Variants in FAM177A1 observed in about 807,000 individuals in gnomAD.
FAM177A1 encodes protein FAM177A1.
In FAM177A1, 22 loss-of-function variants were observed where a neutral mutation model predicts 26.1. The observed-to-expected ratio is 0.84, with a 90% CI of 0.60 to 1.20. FAM177A1 has a LOEUF of 1.20. FAM177A1 is among the 50% of genes most tolerant of loss of function. The probability of loss-of-function intolerance (pLI) is 0.00; values close to 1 mark genes in which losing one functional copy is unlikely to be tolerated. For missense variants in FAM177A1, 296 were observed against 291.1 expected (o/e 1.02, Z -0.12); for synonymous variants, 95 against 99.3 (o/e 0.96, Z 0.26).
rs1469444223 is a variant in FAM177A1 at position 35,081,117 on chromosome 14, T to A, written c.600T>A (p.Asp200Glu). The A allele has an allele frequency of 6.2e-7, 1 of 1,613,734 alleles. No homozygotes were observed. The highest frequency in any genetic ancestry group is 8.5e-7 in the Non-Finnish European group (1 of 1,179,872). The change falls in exon 5 of 5, where the codon GAT becomes GAA. Residue 200 changes from aspartate to glutamate, a missense_variant. Asp to Glu is a conservative substitution (Grantham distance 45). Coordinates refer to ENST00000280987, the MANE Select transcript of FAM177A1 (RefSeq NM_173607.5). The stretch of plus-strand genomic sequence containing the variant: ...AGACTGATTCCATTGTTCAGACAGA[T>A]CAACCAGAGACAGTGATATCCAGCT... Reference protein sequence around the residue: ...KLQTDSIVQTDQPETVISSSF... With the variant: ...KLQTDSIVQTEQPETVISSSF...
intron 3 of FAM177A1, 54 bp downstream of exon 3, chr14:35,077,270 AG>A (rs1459687639): frequency 6.7e-7 from 1 of 1,501,630 alleles, no homozygotes. Flanking sequence ...CTTCAGCAAC[AG>A]GAACTTTGCT....
rs2045409659 is a variant in FAM177A1 at position 35,077,217 on chromosome 14, G to A, written c.406+1G>A. On this transcript the variant is annotated splice_donor_variant, in intron 3 of 4. Coordinates refer to ENST00000280987, the MANE Select transcript of FAM177A1 (RefSeq NM_173607.5). LOFTEE classifies it high-confidence loss of function. ...CGGGCTGCTACATCAACTCTCTCAG[G>A]TATTGCTTTTCTGCTTGAATATTGT... 2.5e-6 allele frequency: 4 copies of A among 1,613,122 alleles called. No homozygotes were observed. Among genetic ancestry groups the A allele is most frequent in the Non-Finnish European group, 3.4e-6 (4 of 1,179,514 alleles).
chr14:35,059,887 A>G (rs2045123527), intron 2 of FAM177A1, among the ~76,000 whole-genome samples: 1 of 150,208 alleles, frequency 6.7e-6, no homozygotes, highest in Non-Finnish European at 1.5e-5. Context: ...CTGGTCTTGA[A>G]CTCCTAACCT....
In FAM177A1 at chr14:35,046,594, C is replaced by G; in HGVS notation, c.131C>G (p.Ala44Gly). The G allele has an allele frequency of 6.4e-7, 1 of 1,553,592 alleles. No homozygotes were observed. Among genetic ancestry groups the G allele is most frequent in the South Asian group, 1.2e-5 (1 of 83,758 alleles). ...GAAGCCGTCGCAGCCTCGGGAGCTGCGGCCGCCGCGGCATTCGGGGAATCT... is the reference window on the plus strand; with the variant it reads ...GAAGCCGTCGCAGCCTCGGGAGCTGGGGCCGCCGCGGCATTCGGGGAATCT... ...RGEAVAASGA[A>G]AAAAFGESAG... The change falls in exon 1 of 5, where the codon GCG becomes GGG. Residue 44 changes from alanine to glycine, a missense_variant. Coordinates refer to ENST00000280987, the MANE Select transcript of FAM177A1 (RefSeq NM_173607.5).
At position 35,046,605 on chromosome 14, in the gene FAM177A1, G is replaced by A; in HGVS notation, c.142G>A (p.Ala48Thr). 2 of 1,550,842 alleles carry A rather than the reference G, an allele frequency of 1.3e-6. No individual in the cohort carries two copies. The highest frequency in any genetic ancestry group is 1.7e-6 in the Non-Finnish European group (2 of 1,148,468). Residue 48 changes from alanine (A) to threonine (T), a missense_variant, in exon 1 of 5, where the codon GCA becomes ACA. Coordinates refer to ENST00000280987, the MANE Select transcript of FAM177A1 (RefSeq NM_173607.5). The stretch of plus-strand genomic sequence containing the variant: ...AGCCTCGGGAGCTGCGGCCGCCGCG[G>A]CATTCGGGGAATCTGCAGGGCAGGT... ...VAASGAAAAA[A>T]FGESAGQMSN... is the part of the protein sequence containing the mutation.
rs2138578869 is a variant in FAM177A1 at position 35,082,319 on chromosome 14, G to C, written c.*1091G>C. Reference sequence around the variant, plus strand: ...ACTTGAGGTCAGGAGTTTGAGACCAGCCTGGCCAACGTAGTGAAACCCCGT... The same window carrying C: ...ACTTGAGGTCAGGAGTTTGAGACCACCCTGGCCAACGTAGTGAAACCCCGT... On this transcript the variant is annotated 3_prime_UTR_variant, in exon 5 of 5. Transcript: ENST00000280987. 1.3e-5 allele frequency: 2 copies of C among 152,290 alleles called. No homozygotes were observed. The highest frequency in any genetic ancestry group is 6.8e-3 in the Middle Eastern group (2 of 294). 9.4% of individuals were successfully genotyped at this position (152,290 alleles called of 1,614,324 possible). A position where few individuals can be genotyped will look rare whatever the true frequency, so the allele number is the denominator to read the frequency against.
At position 35,083,356 on chromosome 14, in the gene FAM177A1, C is replaced by G. The variant is rs1208083184; in HGVS notation, c.*2128C>G. 1 of 152,660 alleles carries G rather than the reference C, an allele frequency of 6.6e-6. No homozygotes were observed. The highest frequency in any genetic ancestry group is 1.9e-4 in the East Asian group (1 of 5,204). The allele number at this position is 152,660 out of a possible 1,614,324, so 9.5% of individuals were successfully genotyped here. On this transcript the variant is annotated 3_prime_UTR_variant, in exon 5 of 5. Coordinates refer to ENST00000280987, the MANE Select transcript of FAM177A1 (RefSeq NM_173607.5). ...TAAGTTTATACTTTGTTTATGCAAA[C>G]TATAAAATTTCCCATAAATGTATTC...
chr14:35,046,932 T>A, intron 1 of FAM177A1: 1 of 1,165,636 alleles, frequency 8.6e-7, no homozygotes, highest in African/African-American at 1.6e-5. Flanking sequence ...CCAAAGGCTG[T>A]CCTTGCAGTA....
intron 2 of FAM177A1, among the ~76,000 whole-genome samples, chr14:35,068,780 G>C (rs539619054): frequency 1.9e-4 from 29 of 152,346 alleles, no homozygotes; most frequent in African/African-American, 6.3e-4. Flanking sequence ...TTGGCTTACA[G>C]TTGTGGAGGC....
At chr14:35,079,230 A>G (rs1239430141) in intron 4 of FAM177A1, among the ~76,000 whole-genome samples, 1 of 152,240 alleles carries the variant, frequency 6.6e-6, no homozygotes, top group Non-Finnish European at 1.5e-5. Context: ...ATCTGTGTGC[A>G]AAACTAAGCT....
intron 3 of FAM177A1, among the ~76,000 whole-genome samples, chr14:35,077,528 T>G (rs2045416432): frequency 7.4e-6 from 1 of 134,276 alleles, no homozygotes; most frequent in Non-Finnish European, 1.6e-5. Flanking sequence ...CAGGCCGGAC[T>G]GCGGACTGCA....
intron 2 of FAM177A1, among the ~76,000 whole-genome samples, chr14:35,066,601 C>T (rs969348176): frequency 6.6e-6 from 1 of 151,480 alleles, no homozygotes; most frequent in Admixed American, 6.6e-5. Context: ...GACGAGGTTT[C>T]ACCATGATGG....
At chr14:35,053,243 T>C (rs759971064) in intron 1 of FAM177A1, 35 bp from the exon 2 acceptor site, 1 of 1,566,798 alleles carries the variant, frequency 6.4e-7, no homozygotes, top group Non-Finnish European at 8.7e-7. Flanking sequence ...TTAATCTCAC[T>C]TGAAACTCAT....
At chr14:35,052,498 C>T (rs1242211230) in intron 1 of FAM177A1, among the ~76,000 whole-genome samples, 2 of 151,936 alleles carry the variant, frequency 1.3e-5, no homozygotes, top group African/African-American at 4.8e-5. Flanking sequence ...TATGAGCCCG[C>T]GCCTGGCCCA....
intron 2 of FAM177A1, among the ~76,000 whole-genome samples, chr14:35,060,715 A>G (rs2045138436): frequency 6.6e-6 from 1 of 152,138 alleles, no homozygotes; most frequent in Non-Finnish European, 1.5e-5. Context: ...CTGTATTTTT[A>G]TTAAATCTAA....
chr14:35,079,056 G>A (rs371724145), intron 4 of FAM177A1, 32 bp downstream of exon 4: 21 of 1,530,728 alleles, frequency 1.4e-5, no homozygotes, highest in Non-Finnish European at 1.7e-5. Context: ...TCTTGATTCA[G>A]TTTGGTTTGC....
At chr14:35,063,416 A>G (rs1010428002) in intron 2 of FAM177A1, among the ~76,000 whole-genome samples, 3 of 151,370 alleles carry the variant, frequency 2.0e-5, no homozygotes, top group African/African-American at 7.3e-5. Context: ...TACTAAAAAA[A>G]AAATACAAAA....
chr14:35,063,118 G>A (rs1468444586), intron 2 of FAM177A1, among the ~76,000 whole-genome samples: 1 of 133,094 alleles, frequency 7.5e-6, no homozygotes, highest in Non-Finnish European at 1.5e-5. Context: ...CCAAGATCGC[G>A]CCACTGCACT....
At chr14:35,047,633 C>T (rs1270647259) in intron 1 of FAM177A1, among the ~76,000 whole-genome samples, 4 of 152,136 alleles carry the variant, frequency 2.6e-5, no homozygotes, top group African/African-American at 7.2e-5. Context: ...CCTGTAGTCC[C>T]AGCTACTCGG....
Sources: allele counts gnomAD v4.1 joint callset (sites outside exome capture counted in the v4.1 genomes callset), GRCh38; gene constraint gnomAD v4.1.1; transcripts MANE v1.5; gene names NCBI Gene and HGNC (gene_info 2026-07-23, HGNC 2026-07-21).